FAAH2: variants seen among roughly 807,000 people sequenced by gnomAD.
The protein encoded by FAAH2 is fatty-acid amide hydrolase 2.
A neutral mutation model predicts 36.9 loss-of-function variants in FAAH2; 60 were observed. That is an observed-to-expected ratio of 1.63 (90% CI 1.32 to 2.02). The LOEUF is 2.02. Among genes scored for constraint, FAAH2 ranks in the 30% most tolerant of loss-of-function variants. FAAH2 has a pLI of 0.00. For synonymous variants in FAAH2, 214 were observed against 143.8 expected (o/e 1.49, Z -3.49); for missense variants, 689 against 397.5 (o/e 1.73, Z -6.23).
upstream of FAAH2, among the ~76,000 whole-genome samples, chrX:57,286,197 G>A (rs1284994344): frequency 8.9e-6 from 1 of 111,850 alleles, no homozygotes; most frequent in Non-Finnish European, 1.9e-5. Context: ...CTGGAGATTT[G>A]ATGTTCATCA....
At chrX:57,218,079 A>C in the FAAH2 span, among the ~76,000 whole-genome samples, 1 of 112,135 alleles carries the variant, frequency 8.9e-6, no homozygotes, top group Admixed American at 9.5e-5. Flanking sequence ...TTATTTTATC[A>C]GTTCTAGGAG....
intron 4 of FAAH2, 97 bp downstream of exon 4, chrX:57,331,904 T>C: frequency 2.4e-6 from 2 of 848,627 alleles, no homozygotes; most frequent in East Asian, 3.3e-5. Context: ...ATCTATGACC[T>C]ATAAGAATGG....
chrX:57,290,404 A>T (rs1196981764), intron 1 of FAAH2: 2 of 399,775 alleles, frequency 5.0e-6, no homozygotes, highest in Non-Finnish European at 6.3e-6. Context: ...GCATGCATTT[A>T]ACAAACATTT....
chrX:57,488,480 CT>C (rs921068960), intron 10 of FAAH2, among the ~76,000 whole-genome samples: 2 of 110,348 alleles, frequency 1.8e-5, no homozygotes, highest in African/African-American at 6.7e-5. Flanking sequence ...TCAATTACAG[CT>C]TTTGCTAGCC....
the FAAH2 span, among the ~76,000 whole-genome samples, chrX:57,157,144 T>C: frequency 8.9e-6 from 1 of 111,765 alleles, no homozygotes; most frequent in Non-Finnish European, 1.9e-5. Context: ...CTTGTACTTT[T>C]ATTTCTCCTT....
At chrX:57,403,781 T>A (rs1430389345) in intron 7 of FAAH2, among the ~76,000 whole-genome samples, 1 of 112,317 alleles carries the variant, frequency 8.9e-6, no homozygotes, top group Non-Finnish European at 1.9e-5. Flanking sequence ...TATTGTCCTG[T>A]CCTGAAGGGA....
chrX:57,145,196 T>C, the FAAH2 span, among the ~76,000 whole-genome samples: 23,583 of 109,155 alleles, frequency 0.22, 2,307 homozygotes, highest in Middle Eastern at 0.55. Context: ...TGTTCCCTTT[T>C]CACCACATCC....
chrX:57,232,416 T>TCAGCCAA, the FAAH2 span, among the ~76,000 whole-genome samples: 2 of 112,232 alleles, frequency 1.8e-5, no homozygotes, highest in African/African-American at 6.5e-5. Context: ...AGTAGTGACC[T>TCAGCCAA]ACACAAAGTG....
chrX:57,255,010 A>G, the FAAH2 span, among the ~76,000 whole-genome samples: 1 of 111,653 alleles, frequency 9.0e-6, no homozygotes, highest in Non-Finnish European at 1.9e-5. Context: ...GTTCAACAAA[A>G]TTGATAGACC....
chrX:57,470,734 C>T (rs762768934), intron 10 of FAAH2, among the ~76,000 whole-genome samples: 3 of 111,736 alleles, frequency 2.7e-5, no homozygotes, highest in Non-Finnish European at 5.6e-5. Flanking sequence ...CGAATCCTCC[C>T]TAACTCATTT....
At chrX:57,201,942 C>G in the FAAH2 span, among the ~76,000 whole-genome samples, 18 of 111,732 alleles carry the variant, frequency 1.6e-4, no homozygotes, top group Admixed American at 1.6e-3. Context: ...TACATTCTTA[C>G]ATTTGATGAT....
At chrX:57,164,841 C>A in the FAAH2 span, among the ~76,000 whole-genome samples, 1 of 111,999 alleles carries the variant, frequency 8.9e-6, no homozygotes, top group African/African-American at 3.2e-5. Flanking sequence ...TTATAGATTA[C>A]CTCACTAGTT....
At chrX:57,124,800 C>A in the FAAH2 span, among the ~76,000 whole-genome samples, 3 of 111,729 alleles carry the variant, frequency 2.7e-5, no homozygotes, top group African/African-American at 9.8e-5. Context: ...ATTTGGCTCC[C>A]TGTTTGTCTG....
the FAAH2 span, among the ~76,000 whole-genome samples, chrX:57,253,644 C>G: frequency 9.0e-6 from 1 of 111,620 alleles, no homozygotes; most frequent in Non-Finnish European, 1.9e-5. Context: ...AATTTTCAAT[C>G]CAGAATTTCA....
the FAAH2 span, among the ~76,000 whole-genome samples, chrX:57,240,493 T>C: frequency 9.0e-6 from 1 of 111,475 alleles, no homozygotes; most frequent in East Asian, 2.9e-4. Context: ...GTGGGTTCCA[T>C]GCATGCATGC....
intron 10 of FAAH2, among the ~76,000 whole-genome samples, chrX:57,484,993 C>A (rs2057448242): frequency 9.0e-6 from 1 of 111,602 alleles, no homozygotes; most frequent in Admixed American, 9.5e-5. Context: ...TGGTGGGAAC[C>A]TGAGGGTGGA....
intron 5 of FAAH2, among the ~76,000 whole-genome samples, chrX:57,349,332 T>G (rs2053930205): frequency 1.0e-5 from 1 of 97,314 alleles, no homozygotes; most frequent in South Asian, 4.4e-4. Flanking sequence ...TATATACACA[T>G]ATATAATGTT....
intron 3 of FAAH2, among the ~76,000 whole-genome samples, chrX:57,331,367 C>T (rs936709262): frequency 9.0e-6 from 1 of 110,620 alleles, no homozygotes; most frequent in East Asian, 2.9e-4. Flanking sequence ...TAGCCCTGTG[C>T]AGGGTTCCCA....
At chrX:57,429,771 T>G (rs982651741) in intron 7 of FAAH2, among the ~76,000 whole-genome samples, 2 of 111,578 alleles carry the variant, frequency 1.8e-5, no homozygotes, top group Non-Finnish European at 1.9e-5. Context: ...AGATATAGAA[T>G]CAACTAAACT....
Sources: allele counts gnomAD v4.1 joint callset (sites outside exome capture counted in the v4.1 genomes callset), GRCh38; gene constraint gnomAD v4.1.1; transcripts MANE v1.5; gene names NCBI Gene and HGNC (gene_info 2026-07-23, HGNC 2026-07-21).